Variants in NOL4 observed in about 807,000 individuals in gnomAD.
NOL4 encodes the protein cancer/testis antigen 125.
In NOL4, 17 loss-of-function variants were observed where a neutral mutation model predicts 75.9. The observed-to-expected ratio is 0.22, with a 90% confidence interval of 0.15 to 0.34. NOL4 has a LOEUF of 0.34. NOL4 is among the 10% of genes least tolerant of loss of function. NOL4 has a pLI of 1.00. For missense variants in NOL4, 614 were observed against 793.5 expected (o/e 0.77, Z 2.72); for synonymous variants, 292 against 289.9 (o/e 1.01, Z -0.07).
chr18:34,098,427 C>T (rs1024688216), intron 4 of NOL4, among the ~76,000 whole-genome samples: 3 of 152,074 alleles, frequency 2.0e-5, no homozygotes, highest in African/African-American at 4.8e-5. Context: ...ATCAAGGAAC[C>T]GGGTACTTAA....
intron 9 of NOL4, among the ~76,000 whole-genome samples, chr18:33,940,481 T>G (rs571333671): frequency 6.6e-6 from 1 of 151,948 alleles, no homozygotes; most frequent in African/African-American, 2.4e-5. Context: ...TTCTCACTCA[T>G]AAGTGGGAGT....
At chr18:34,013,178 C>G (rs1366314495) in intron 6 of NOL4, among the ~76,000 whole-genome samples, 2 of 151,948 alleles carry the variant, frequency 1.3e-5, no homozygotes, top group East Asian at 3.9e-4. Context: ...ATCCCAATAT[C>G]AAAACTGATA....
At chr18:34,044,403 A>G (rs574333425) in intron 5 of NOL4, among the ~76,000 whole-genome samples, 30 of 152,052 alleles carry the variant, frequency 2.0e-4, no homozygotes, top group Non-Finnish European at 3.7e-4. Flanking sequence ...TTTATCATAT[A>G]TTAATGCCAA....
intron 5 of NOL4, among the ~76,000 whole-genome samples, chr18:34,047,065 T>C (rs924586587): frequency 2.6e-5 from 4 of 152,112 alleles, no homozygotes; most frequent in Non-Finnish European, 4.4e-5. Flanking sequence ...ATAACCCTTC[T>C]AGTTTTGTGT....
At chr18:33,947,967 C>T (rs1057111725) in intron 8 of NOL4, among the ~76,000 whole-genome samples, 2 of 151,928 alleles carry the variant, frequency 1.3e-5, no homozygotes, top group Non-Finnish European at 2.9e-5. Flanking sequence ...TGTACCGTCA[C>T]ACCAACAAAC....
At chr18:33,887,747 A>G (rs1568011968) in intron 9 of NOL4, among the ~76,000 whole-genome samples, 1 of 152,000 alleles carries the variant, frequency 6.6e-6, no homozygotes, top group African/African-American at 2.4e-5. Context: ...AAGGACATGA[A>G]CTCATCATTT....
At chr18:34,127,597 C>T (rs1183256569) in intron 2 of NOL4, among the ~76,000 whole-genome samples, 1 of 151,870 alleles carries the variant, frequency 6.6e-6, no homozygotes, top group Non-Finnish European at 1.5e-5. Context: ...CAGTCTATGG[C>T]CTTAATAGCA....
chr18:33,907,343 A>G (rs2066116439), intron 9 of NOL4, among the ~76,000 whole-genome samples: 1 of 137,592 alleles, frequency 7.3e-6, no homozygotes, highest in African/African-American at 2.6e-5. Context: ...AAAAAAAAAA[A>G]GACCTTGAAA....
intron 6 of NOL4, among the ~76,000 whole-genome samples, chr18:34,012,293 T>C (rs183572382): frequency 6.6e-6 from 1 of 151,898 alleles, no homozygotes; most frequent in Non-Finnish European, 1.5e-5. Flanking sequence ...TCCCTAGTAA[T>C]GTGGGTATTT....
rs193189370 is a variant in NOL4 at position 34,202,944 on chromosome 18, G to A, written c.264+20046C>T. ...CAATTGCACTCTTGGGCATTTAATT[G>A]AGAGAAATGAAAAGGTGTGCTCACA... is the stretch of plus-strand genomic sequence containing the variant. On this transcript the variant is annotated intron_variant, in intron 1 of 10. Transcript: ENST00000261592. Among the ~76,000 whole-genome samples, 80 of 152,058 alleles carry A rather than the reference G, an allele frequency of 5.3e-4. 1 individual carries two copies. Among genetic ancestry groups the A allele is most frequent in the African/African-American group, 1.7e-3 (71 of 41,522 alleles).
Position 34,119,033 on chromosome 18 carries a change from T to C in NOL4, c.414+10838A>G, listed in dbSNP as rs118064192. Among the ~76,000 whole-genome samples, 712 of 152,330 alleles carry C rather than the reference T, an allele frequency of 4.7e-3. 3 individuals carry two copies. The highest frequency in any genetic ancestry group is 7.1e-3 in the Non-Finnish European group (484 of 68,018). Reference sequence around the variant, plus strand: ...TGGATATATCAAATTATTGGAATTATCTATTGGTAGTTATTTGATTAGTTT... The same window carrying C: ...TGGATATATCAAATTATTGGAATTACCTATTGGTAGTTATTTGATTAGTTT... On this transcript the variant is annotated intron_variant, in intron 2 of 10. Coordinates refer to ENST00000261592, the MANE Select transcript of NOL4 (RefSeq NM_003787.5).
At chr18:34,129,796 C>T (rs1057017977) in intron 2 of NOL4, 75 bp downstream of exon 2, 29 of 1,295,348 alleles carry the variant, frequency 2.2e-5, no homozygotes, top group African/African-American at 1.7e-4. Context: ...TTATAATTAT[C>T]GAACCCATTT....
At chr18:33,914,751 G>C (rs1299423791) in intron 9 of NOL4, among the ~76,000 whole-genome samples, 6 of 152,096 alleles carry the variant, frequency 3.9e-5, no homozygotes, top group Non-Finnish European at 7.4e-5. Context: ...TTCTGGTCAG[G>C]CCAACTGTAA....
At chr18:33,950,363 T>C (rs2069132656) in intron 8 of NOL4, among the ~76,000 whole-genome samples, 1 of 152,062 alleles carries the variant, frequency 6.6e-6, no homozygotes, top group Non-Finnish European at 1.5e-5. Context: ...AAAATTAAAA[T>C]ACCAGTTGCA....
At chr18:34,062,225 T>A (rs114765067) in intron 5 of NOL4, among the ~76,000 whole-genome samples, 4,096 of 151,986 alleles carry the variant, frequency 0.027, 205 homozygotes, top group African/African-American at 0.093. Context: ...AGTTTTTTTT[T>A]AAAAGATGCC....
chr18:33,971,283 G>T (rs2071036303), intron 6 of NOL4, among the ~76,000 whole-genome samples: 1 of 152,174 alleles, frequency 6.6e-6, no homozygotes, highest in Non-Finnish European at 1.5e-5. Flanking sequence ...ATTTCTGGAA[G>T]TTATTCCTAT....
chr18:34,081,104 A>T (rs73416392), intron 5 of NOL4, among the ~76,000 whole-genome samples: 5,874 of 152,310 alleles, frequency 0.039, 110 homozygotes, highest in Middle Eastern at 0.048. Context: ...TTAGACAGAA[A>T]ATATGCCTAA....
intron 2 of NOL4, among the ~76,000 whole-genome samples, chr18:34,111,471 C>T (rs1030404331): frequency 2.0e-5 from 3 of 151,990 alleles, no homozygotes; most frequent in African/African-American, 7.2e-5. Flanking sequence ...TCTAAGGGGG[C>T]TTGCTTGTCT....
intron 9 of NOL4, 137 bp from the exon 10 acceptor site, chr18:33,883,561 C>A (rs117884025): frequency 1.8e-6 from 1 of 547,132 alleles, no homozygotes. Context: ...AGCACAGATG[C>A]ACATTTTCAA....
Sources: gnomAD v4.1 joint callset for allele counts (sites outside exome capture counted in the v4.1 genomes callset) on GRCh38, gnomAD v4.1.1 for gene constraint, MANE v1.5 for transcripts, NCBI Gene and HGNC (gene_info 2026-07-23, HGNC 2026-07-21) for gene names.